CLPX: variants seen among roughly 807,000 people sequenced by gnomAD.
The protein encoded by CLPX is ATP-dependent clpX-like chaperone, mitochondrial.
A neutral mutation model predicts 76.4 loss-of-function variants in CLPX; 34 were observed. The observed-to-expected ratio is 0.45, with a 90% CI of 0.34 to 0.59. The LOEUF is 0.59. CLPX is among the 20% of genes least tolerant of loss of function. The pLI, the probability that CLPX is intolerant of heterozygous loss-of-function variation, is 0.01. For synonymous variants in CLPX, 248 were observed against 270.9 expected, an observed-to-expected ratio of 0.92 and a Z score of 0.83; for missense variants, 613 against 757.0, an observed-to-expected ratio of 0.81 and a Z score of 2.23.
intron 3 of CLPX, among the ~76,000 whole-genome samples, chr15:65,170,688 G>T (rs996927847): frequency 6.6e-6 from 1 of 151,848 alleles, no homozygotes; most frequent in Non-Finnish European, 1.5e-5. Context: ...TCCCTTGATG[G>T]TTACCTGGGA....
At chr15:65,159,561 G>C (rs1474607109) in intron 6 of CLPX, among the ~76,000 whole-genome samples, 1 of 151,982 alleles carries the variant, frequency 6.6e-6, no homozygotes, top group Non-Finnish European at 1.5e-5. Context: ...AGTGAGCCAA[G>C]ATCACGCCAC....
Position 65,166,784 on chromosome 15 carries a change from T to C in CLPX, c.360A>G (p.Ser120=), listed in dbSNP as rs576307244. The change falls in exon 4 of 14, where the codon TCA becomes TCG. Residue 120 remains serine (S), a splice_region_variant and synonymous_variant. Transcript: ENST00000300107. The stretch of plus-strand genomic sequence containing the variant: ...TTTCACACTTGACAAAACGGGTGGA[T>C]GCTGTAAAAGAAAACAGACATAAGT... The part of the protein sequence containing the change: ...DLCTHVETFV[S]STRFVKCEKC... 1 of 1,611,616 alleles carries C rather than the reference T, an allele frequency of 6.2e-7. No homozygotes were observed. The highest frequency in any genetic ancestry group is 1.3e-5 in the African/African-American group (1 of 74,786).
intron 5 of CLPX, 86 bp from the exon 6 acceptor site, chr15:65,162,731 A>G: frequency 1.4e-6 from 1 of 718,964 alleles, no homozygotes. Context: ...TCTTTCAAAT[A>G]TATTTAAAGG....
At position 65,185,195 on chromosome 15, in the gene CLPX, C is replaced by T. The variant is rs543533449; in HGVS notation, c.-42G>A. 6 of 1,504,434 alleles carry T rather than the reference C, an allele frequency of 4.0e-6. No individual in the cohort carries two copies. The African/African-American group carries it at 6.9e-5, about 17-fold the overall frequency. The allele number at this position is 1,504,434 out of a possible 1,614,324, so 93.2% of individuals were successfully genotyped here. ...CCGGGGCTTCGCCCCCTGAGGACCT[C>T]CGGGTCACAGCGGCGTGAATCCTGC... On this transcript the variant is annotated 5_prime_UTR_variant, in exon 1 of 14. Coordinates refer to ENST00000300107, the MANE Select transcript of CLPX (RefSeq NM_006660.5).
intron 1 of CLPX, among the ~76,000 whole-genome samples, chr15:65,180,828 C>T (rs551572594): frequency 1.6e-4 from 24 of 151,002 alleles, no homozygotes; most frequent in Non-Finnish European, 2.5e-4. Flanking sequence ...CGCTTGAACC[C>T]GGGAGGCGAA....
intron 6 of CLPX, among the ~76,000 whole-genome samples, chr15:65,159,858 G>A (rs2087831638): frequency 6.7e-6 from 1 of 149,062 alleles, no homozygotes; most frequent in Non-Finnish European, 1.5e-5. Context: ...TGTTGTCCAG[G>A]CTGGAGTGCA....
Position 65,179,495 on chromosome 15 carries a change from G to C in CLPX, c.241-444C>G, listed in dbSNP as rs138558542. 7.1e-4 allele frequency among the ~76,000 whole-genome samples: 108 copies of C among 152,278 alleles called. 1 individual carries two copies. Among genetic ancestry groups the C allele is most frequent in the African/African-American group, 2.6e-3 (106 of 41,564 alleles). On this transcript the variant is annotated intron_variant, in intron 2 of 13. Coordinates refer to ENST00000300107, the MANE Select transcript of CLPX (RefSeq NM_006660.5). The stretch of plus-strand genomic sequence containing the variant: ...GTCACTGTTAAGTATGGATATGTAA[G>C]TGTCTCACATTTTGTCTAACATATA...
chr15:65,156,764 G>T, intron 9 of CLPX, 80 bp downstream of exon 9: 1 of 868,284 alleles, frequency 1.2e-6, no homozygotes. Flanking sequence ...AATTGAATGT[G>T]AAACCAAACG....
chr15:65,171,298 T>C (rs924461448), intron 3 of CLPX, among the ~76,000 whole-genome samples: 2 of 151,928 alleles, frequency 1.3e-5, no homozygotes, highest in African/African-American at 4.8e-5. Context: ...AATATACAAA[T>C]TATCCGGGCG....
intron 3 of CLPX, among the ~76,000 whole-genome samples, chr15:65,175,179 C>T (rs1005894618): frequency 6.6e-6 from 1 of 152,082 alleles, no homozygotes; most frequent in Admixed American, 6.5e-5. Flanking sequence ...AACTAGTATC[C>T]AAATAAATGC....
At chr15:65,170,477 A>T (rs572190624) in intron 3 of CLPX, among the ~76,000 whole-genome samples, 2 of 152,164 alleles carry the variant, frequency 1.3e-5, no homozygotes, top group East Asian at 3.9e-4. Context: ...TAAAAAAACA[A>T]CTTTAGGCTG....
Position 65,185,082 on chromosome 15 carries a change from C to A in CLPX, c.72G>T (p.Ala24=). The A allele has an allele frequency of 6.4e-7, 1 of 1,573,048 alleles. No homozygotes were observed. The highest frequency in any genetic ancestry group is 8.6e-7 in the Non-Finnish European group (1 of 1,160,048). ...VRLITSSLAS[A]QRGISGGRIH... Reference sequence around the variant, plus strand: ...GTGGCACTATTTCGTTACCTCTCTGCGCGGAGGCGAGTGAGGAGGTGATGA... The same window carrying A: ...GTGGCACTATTTCGTTACCTCTCTGAGCGGAGGCGAGTGAGGAGGTGATGA... The change falls in exon 1 of 14, where the codon GCG becomes GCT. Residue 24 remains alanine, a synonymous_variant. Transcript: ENST00000300107.
At chr15:65,167,668 G>A (rs2087934480) in intron 3 of CLPX, among the ~76,000 whole-genome samples, 1 of 150,996 alleles carries the variant, frequency 6.6e-6, no homozygotes, top group Admixed American at 6.6e-5. Flanking sequence ...CTGAGGTCAG[G>A]AGTTAGAAAC....
In CLPX at chr15:65,160,774, T is replaced by A. The variant is rs539554801; in HGVS notation, c.715+1830A>T. Reference sequence around the variant, plus strand: ...AAGTTTAAAAAAGAAATAATTTAAATGATACAGATGATATCCATCATCCCA... The same window carrying A: ...AAGTTTAAAAAAGAAATAATTTAAAAGATACAGATGATATCCATCATCCCA... On this transcript the variant is annotated intron_variant, in intron 6 of 13. Transcript: ENST00000300107. Among the ~76,000 whole-genome samples, 27 of 152,360 alleles carry A rather than the reference T, an allele frequency of 1.8e-4. No individual in the cohort carries two copies. In the South Asian group the frequency reaches 3.7e-3, roughly 21 times the overall value.
At chr15:65,159,433 A>G (rs2087826615) in intron 6 of CLPX, among the ~76,000 whole-genome samples, 2 of 152,196 alleles carry the variant, frequency 1.3e-5, no homozygotes, top group Admixed American at 1.3e-4. Flanking sequence ...CAACACGGTG[A>G]AACCCCATCT....
chr15:65,160,365 T>C (rs904888062), intron 6 of CLPX, among the ~76,000 whole-genome samples: 2 of 152,164 alleles, frequency 1.3e-5, no homozygotes, highest in Non-Finnish European at 2.9e-5. Context: ...TAATTCACAA[T>C]GTTGTGCCTC....
intron 12 of CLPX, among the ~76,000 whole-genome samples, chr15:65,153,174 G>A (rs547308314): frequency 1.3e-5 from 2 of 151,950 alleles, no homozygotes. Flanking sequence ...TTCAGGCCAG[G>A]CGTGGTGGCT....
rs970188764 is a variant in CLPX, at chr15:65,168,713, G to A, written c.359-1928C>T. ...GTATACCTATGTAACAAACCTGCAC[G>A]TTGTACATGTGTACCCTAGAACTTA... On this transcript the variant is annotated intron_variant, in intron 3 of 13. Transcript: ENST00000300107. 1.6e-4 allele frequency among the ~76,000 whole-genome samples: 25 copies of A among 151,668 alleles called. 1 individual carries two copies. The East Asian group carries it at 2.5e-3, about 15-fold the overall frequency.
chr15:65,166,596 T>C (rs546199497), intron 4 of CLPX, 35 bp downstream of exon 4: 2 of 1,604,180 alleles, frequency 1.2e-6, no homozygotes, highest in East Asian at 2.2e-5. Flanking sequence ...GTTTTCAAGA[T>C]AAAATACTTG....
Sources: gnomAD v4.1 joint callset for allele counts (sites outside exome capture counted in the v4.1 genomes callset) on GRCh38, gnomAD v4.1.1 for gene constraint, MANE v1.5 for transcripts, NCBI Gene and HGNC (gene_info 2026-07-23, HGNC 2026-07-21) for gene names.